Variants in DOCK10 observed in about 807,000 individuals in gnomAD.
DOCK10 encodes dedicator of cytokinesis protein 10.
DOCK10 carries 145 observed loss-of-function variants against 280.1 expected under a neutral mutation model. The ratio of observed to expected loss-of-function variants is 0.52; its 90% CI spans 0.45 to 0.59. DOCK10 has a LOEUF of 0.59. Among genes scored for constraint, DOCK10 ranks in the 20% least tolerant of loss-of-function variants. DOCK10 has a pLI of 0.00. For synonymous variants in DOCK10, 915 were observed against 942.2 expected (o/e 0.97, Z 0.53); for missense variants, 2,368 against 2,651.7 (o/e 0.89, Z 2.35).
chr2:224,936,962 C>T (rs1575084261), intron 1 of DOCK10, among the ~76,000 whole-genome samples: 2 of 152,062 alleles, frequency 1.3e-5, no homozygotes, highest in East Asian at 3.8e-4. Flanking sequence ...GAAGTTCAAC[C>T]ATTAACAGTT....
intron 26 of DOCK10, among the ~76,000 whole-genome samples, chr2:224,832,349 G>C (rs970229602): frequency 6.3e-4 from 96 of 152,020 alleles, no homozygotes; most frequent in African/African-American, 2.1e-3. Context: ...GTAGCTGGGG[G>C]GATCACATAT....
intron 1 of DOCK10, among the ~76,000 whole-genome samples, chr2:224,963,327 C>A (rs1455037097): frequency 6.6e-6 from 1 of 152,166 alleles, no homozygotes; most frequent in Non-Finnish European, 1.5e-5. Context: ...ATTTCTACTG[C>A]TGATATATTC....
chr2:224,991,850 A>G (rs556965353), intron 1 of DOCK10, among the ~76,000 whole-genome samples: 1 of 152,250 alleles, frequency 6.6e-6, no homozygotes, highest in African/African-American at 2.4e-5. Context: ...TATAAATTAC[A>G]GTGTTCTACC....
In DOCK10 at chr2:224,957,290, C is replaced by CCCCT. The variant is rs1553622528; in HGVS notation, c.124-25623_124-25622insAGGG. Among the ~76,000 whole-genome samples the CCCCT allele has an allele frequency of 1.4e-5, 2 of 146,602 alleles. 1 individual carries two copies. The highest frequency in any genetic ancestry group is 3.0e-5 in the Non-Finnish European group (2 of 66,574). ...GTATTTAGTTTTTACTTTCCGCCCC[C>CCCCT]CCCCGGCTTTGTTTTTCGGAGATGG... On this transcript the variant is annotated intron_variant, in intron 1 of 55. Transcript: ENST00000258390.
At chr2:224,779,491 C>T (rs1691145331) in intron 50 of DOCK10, among the ~76,000 whole-genome samples, 1 of 152,286 alleles carries the variant, frequency 6.6e-6, no homozygotes, top group African/African-American at 2.4e-5. Context: ...GCTGGGATTA[C>T]AGGCTATATC....
intron 1 of DOCK10, among the ~76,000 whole-genome samples, chr2:224,939,873 T>C (rs1702918872): frequency 6.6e-6 from 1 of 152,268 alleles, no homozygotes; most frequent in Non-Finnish European, 1.5e-5. Flanking sequence ...TTTATTTCCT[T>C]TCCTACCTGT....
At chr2:224,767,172 GTT>G (rs11302345) in intron 55 of DOCK10, among the ~76,000 whole-genome samples, 7,660 of 150,638 alleles carry the variant, frequency 0.051, 601 homozygotes, top group East Asian at 0.39. Flanking sequence ...CAATCATGTA[GTT>G]TTTTTTTTAG....
intron 1 of DOCK10, among the ~76,000 whole-genome samples, chr2:225,006,835 T>C (rs1689277084): frequency 6.6e-6 from 1 of 152,178 alleles, no homozygotes; most frequent in Admixed American, 6.6e-5. Flanking sequence ...AAAGTGAACC[T>C]TGAAAAGGGG....
At chr2:224,990,763 G>A (rs181150527) in intron 1 of DOCK10, among the ~76,000 whole-genome samples, 3 of 152,208 alleles carry the variant, frequency 2.0e-5, no homozygotes, top group South Asian at 4.2e-4. Context: ...CTTCCCTGTT[G>A]TTTTTCATGA....
At chr2:224,968,258 T>C (rs1007185021) in intron 1 of DOCK10, among the ~76,000 whole-genome samples, 1 of 152,218 alleles carries the variant, frequency 6.6e-6, no homozygotes, top group African/African-American at 2.4e-5. Context: ...CCATGTGGTA[T>C]TTTAAAAAGA....
intron 1 of DOCK10, among the ~76,000 whole-genome samples, chr2:225,038,159 T>G (rs1362988112): frequency 3.3e-5 from 5 of 152,200 alleles, no homozygotes; most frequent in African/African-American, 4.8e-5. Flanking sequence ...GCCCTTATAT[T>G]GCATATTGCT....
chr2:224,888,965 C>T (rs1314831640), intron 4 of DOCK10, among the ~76,000 whole-genome samples: 2 of 151,798 alleles, frequency 1.3e-5, no homozygotes, highest in Non-Finnish European at 2.9e-5. Flanking sequence ...TATGGATGGA[C>T]CTGGAGGACA....
At chr2:224,834,385 T>C in intron 25 of DOCK10, 122 bp from the exon 26 acceptor site, 1 of 664,476 alleles carries the variant, frequency 1.5e-6, no homozygotes, top group Non-Finnish European at 2.7e-6. Flanking sequence ...TGCCATGAGA[T>C]AAATGCAGGC....
At chr2:224,940,071 G>A (rs527792000) in intron 1 of DOCK10, among the ~76,000 whole-genome samples, 2 of 152,282 alleles carry the variant, frequency 1.3e-5, no homozygotes, top group African/African-American at 4.8e-5. Flanking sequence ...GGCATCATGG[G>A]TGTGTGACCC....
rs912665123 is a variant in DOCK10, at chr2:225,042,209, G to C, written c.123+43C>G. 4.1e-6 allele frequency: 5 copies of C among 1,233,974 alleles called. No individual in the cohort carries two copies. Among genetic ancestry groups the C allele is most frequent in the Non-Finnish European group, 5.1e-6 (5 of 989,254 alleles). The allele number at this position is 1,233,974 out of a possible 1,614,324, so 76.4% of individuals were successfully genotyped here. On this transcript the variant is annotated intron_variant, in intron 1 of 55. Transcript: ENST00000258390. This position sits in a 1 kb window ranked among gnomAD's most constrained non-coding sequence, Gnocchi z 5.1. ...AAGCTGGGCTCCGTTCCCCCCGGGC[G>C]CCTGGGGCGCGCGGGAAGGCGCGGA...
Position 224,941,547 on chromosome 2 carries a change from G to A in DOCK10, c.124-9879C>T, listed in dbSNP as rs139340184. On this transcript the variant is annotated intron_variant, in intron 1 of 55. Coordinates refer to ENST00000258390, the MANE Select transcript of DOCK10 (RefSeq NM_014689.3). Reference sequence around the variant, plus strand: ...AGTGGTAGCGAAAGAGGACCAGGCCGGGCCTGGTGGCTCAGGCCGGGTGTG... The same window carrying A: ...AGTGGTAGCGAAAGAGGACCAGGCCAGGCCTGGTGGCTCAGGCCGGGTGTG... 4.8e-3 allele frequency among the ~76,000 whole-genome samples: 731 copies of A among 152,154 alleles called. 11 individuals are homozygous for A. Among genetic ancestry groups the A allele is most frequent in the Non-Finnish European group, 2.4e-3 (161 of 67,978 alleles).
rs771822178 is a variant in DOCK10, at chr2:224,796,953, G to A, written c.4827+11C>T. ...TTAACAACAGCATTAATGAAAATTGGCAGCACTTACTTGTAAGTGGGACCG... is the reference window on the plus strand; with the variant it reads ...TTAACAACAGCATTAATGAAAATTGACAGCACTTACTTGTAAGTGGGACCG... On this transcript the variant is annotated intron_variant, in intron 43 of 55. Transcript: ENST00000258390. The A allele has an allele frequency of 1.2e-5, 20 of 1,609,360 alleles. No individual in the cohort carries two copies. Among genetic ancestry groups the A allele is most frequent in the Non-Finnish European group, 1.6e-5 (19 of 1,177,318 alleles).
At chr2:224,776,051 T>C (rs1265497909) in intron 51 of DOCK10, among the ~76,000 whole-genome samples, 2 of 151,956 alleles carry the variant, frequency 1.3e-5, no homozygotes, top group Non-Finnish European at 2.9e-5. Context: ...GGTGAGTGAG[T>C]TTGACAAATA....
intron 2 of DOCK10, among the ~76,000 whole-genome samples, chr2:224,925,787 C>T (rs1702015540): frequency 6.6e-6 from 1 of 152,182 alleles, no homozygotes; most frequent in Non-Finnish European, 1.5e-5. Context: ...CTCAGGCTTT[C>T]TACATCTTTT....
Sources: allele counts gnomAD v4.1 joint callset (sites outside exome capture counted in the v4.1 genomes callset), GRCh38; gene constraint gnomAD v4.1.1; non-coding constraint Gnocchi (gnomAD v3.1); transcripts MANE v1.5; gene names NCBI Gene and HGNC (gene_info 2026-07-23, HGNC 2026-07-21).